PDE9A: variants seen among roughly 807,000 people sequenced by gnomAD.
PDE9A encodes high affinity cGMP-specific 3',5'-cyclic phosphodiesterase 9A.
PDE9A carries 60 observed loss-of-function variants against 87.4 expected under a neutral mutation model. The observed-to-expected ratio is 0.69, with a 90% CI of 0.56 to 0.85. The LOEUF is 0.85. Among genes scored for constraint, PDE9A ranks in the 40% least tolerant of loss-of-function variants. PDE9A has a pLI of 0.00. For missense variants in PDE9A, 665 were observed against 779.0 expected (o/e 0.85, Z 1.74); for synonymous variants, 272 against 279.4 (o/e 0.97, Z 0.27).
At chr21:42,767,907 C>A (rs1161180678) in intron 15 of PDE9A, among the ~76,000 whole-genome samples, 6 of 152,198 alleles carry the variant, frequency 3.9e-5, no homozygotes, top group Admixed American at 3.9e-4. Context: ...TAGGGAACAG[C>A]AGAAAATAGG....
rs58515760 is a variant in PDE9A, at chr21:42,727,489, A to ATTTTTTTT, written c.263-4264_263-4257dup. On this transcript the variant is annotated intron_variant, in intron 4 of 19. Transcript: ENST00000291539. The stretch of plus-strand genomic sequence containing the variant: ...CAGGCACATGCCACCACGCCTGGCT[A>ATTTTTTTT]TTTTTTTTTTTTTTTTTTTTTTTTG... Among the ~76,000 whole-genome samples, 408 of 88,308 alleles carry ATTTTTTTT rather than the reference A, an allele frequency of 4.6e-3. 15 individuals carry two copies. The highest frequency in any genetic ancestry group is 0.016 in the Middle Eastern group (2 of 126). 57.9% of individuals were successfully genotyped at this position (88,308 alleles called of 152,430 possible). A position where few individuals can be genotyped will look rare whatever the true frequency, so the allele number is the denominator to read the frequency against.
chr21:42,758,933 G>A, intron 10 of PDE9A, 66 bp from the exon 11 acceptor site: 4 of 1,265,800 alleles, frequency 3.2e-6, no homozygotes, highest in Non-Finnish European at 4.6e-6. Flanking sequence ...GCAGAGGGAA[G>A]GAAGCCAGGG....
At chr21:42,728,577 A>G (rs894863667) in intron 4 of PDE9A, among the ~76,000 whole-genome samples, 4 of 152,186 alleles carry the variant, frequency 2.6e-5, no homozygotes, top group Non-Finnish European at 4.4e-5. Context: ...ATTTTTATCT[A>G]TTACTGAATT....
intron 3 of PDE9A, chr21:42,689,714 A>T: frequency 2.0e-6 from 2 of 985,432 alleles, no homozygotes; most frequent in Non-Finnish European, 1.2e-6. Context: ...TATCAGACAC[A>T]CCAGACAAAA....
chr21:42,762,365 A>C, intron 14 of PDE9A, 126 bp downstream of exon 14: 1 of 953,956 alleles, frequency 1.0e-6, no homozygotes, highest in Non-Finnish European at 1.6e-6. Flanking sequence ...GACCCAAGGG[A>C]ACCCCTCCCT....
intron 6 of PDE9A, 68 bp downstream of exon 6, chr21:42,732,192 C>G: frequency 6.8e-7 from 1 of 1,461,966 alleles, no homozygotes; most frequent in South Asian, 1.2e-5. Flanking sequence ...CGAGGGCAGG[C>G]CCCAGGCTCT....
chr21:42,692,317 G>A lies in PDE9A; in HGVS notation c.218+4323G>A, dbSNP rs1051626323. Among the ~76,000 whole-genome samples the A allele has an allele frequency of 6.6e-5, 10 of 152,286 alleles. No homozygotes were observed. The highest frequency in any genetic ancestry group is 2.2e-4 in the African/African-American group (9 of 41,566). ...TGGATGTCACCAGGGGTAAGGGCCT[G>A]CTACTTGTATCTGATGGGTGGAGAC... On this transcript the variant is annotated intron_variant, in intron 3 of 19. Coordinates refer to ENST00000291539, the MANE Select transcript of PDE9A (RefSeq NM_002606.3). The surrounding 1 kb of genome is among the most constrained non-coding windows in gnomAD (Gnocchi z 4.3).
chr21:42,656,144 C>A (rs2057052597), intron 1 of PDE9A, among the ~76,000 whole-genome samples: 3 of 152,188 alleles, frequency 2.0e-5, no homozygotes, highest in Admixed American at 1.3e-4. Context: ...TGTCTCCCTG[C>A]CATCCGCCCC....
At chr21:42,699,578 G>A (rs1191687637) in intron 4 of PDE9A, among the ~76,000 whole-genome samples, 7 of 146,482 alleles carry the variant, frequency 4.8e-5, no homozygotes, top group South Asian at 4.3e-4. Context: ...AAAAAAAAAC[G>A]GAGTCTGGTC....
intron 3 of PDE9A, among the ~76,000 whole-genome samples, chr21:42,691,818 G>T (rs2059859172): frequency 6.8e-6 from 1 of 146,830 alleles, no homozygotes; most frequent in Non-Finnish European, 1.5e-5. Context: ...ACCATTTGAG[G>T]TCACCCAGAC....
chr21:42,653,827 T>G lies in PDE9A; in HGVS notation c.13T>G (p.Ser5Ala), dbSNP rs753688224. 1 of 1,560,700 alleles carries G rather than the reference T, an allele frequency of 6.4e-7. No homozygotes were observed. The highest frequency in any genetic ancestry group is 1.2e-5 in the South Asian group (1 of 85,410). ...CGCCGGGCGCAGGATGGGATCCGGCTCCTCCAGCTACCGGCCCAAGGCCAT... is the reference window on the plus strand; with the variant it reads ...CGCCGGGCGCAGGATGGGATCCGGCGCCTCCAGCTACCGGCCCAAGGCCAT... MGSG[S>A]SSYRPKAIYL... is the part of the protein sequence containing the mutation. The change falls in exon 1 of 20, where the codon TCC (serine) becomes GCC (alanine). Residue 5 changes from serine (S) to alanine (A), a missense_variant. By Grantham distance (99) the Ser-to-Ala change is moderately conservative. Transcript: ENST00000291539.
intron 14 of PDE9A, among the ~76,000 whole-genome samples, chr21:42,763,640 C>T (rs140380525): frequency 6.6e-6 from 1 of 152,146 alleles, no homozygotes; most frequent in Non-Finnish European, 1.5e-5. Context: ...CTTTGTGTGG[C>T]GGCCCCAGGA....
intron 4 of PDE9A, among the ~76,000 whole-genome samples, chr21:42,719,468 C>G (rs1393528728): frequency 6.6e-6 from 1 of 151,242 alleles, no homozygotes; most frequent in Non-Finnish European, 1.5e-5. Flanking sequence ...AATCCTGTCT[C>G]TTCTAAAAAA....
rs1465238378 is a variant in PDE9A, at chr21:42,739,322, T to C, written c.569-4454T>C. Among the ~76,000 whole-genome samples the C allele has an allele frequency of 6.6e-6, 1 of 152,130 alleles. No homozygotes were observed. Among genetic ancestry groups the C allele is most frequent in the East Asian group, 1.9e-4 (1 of 5,178 alleles). On this transcript the variant is annotated intron_variant, in intron 7 of 19. Coordinates refer to ENST00000291539, the MANE Select transcript of PDE9A (RefSeq NM_002606.3). This position sits in a 1 kb window ranked among gnomAD's most constrained non-coding sequence, Gnocchi z 4.1. ...CCCACAGGACTGGCCCGCTCCTCCC[T>C]CTGGATTGAGGTGGAGCAGGGCTGG...
At chr21:42,727,522 G>A (rs1268085888) in intron 4 of PDE9A, among the ~76,000 whole-genome samples, 19 of 110,832 alleles carry the variant, frequency 1.7e-4, no homozygotes, top group African/African-American at 7.1e-4. Context: ...TTGTAGAGAT[G>A]GAGATCTCTC....
intron 7 of PDE9A, chr21:42,733,676 T>C (rs757503796): frequency 3.2e-5 from 17 of 525,434 alleles, no homozygotes; most frequent in Admixed American, 6.3e-5. Flanking sequence ...AGAATAAAAA[T>C]GAACACACGA....
At chr21:42,727,489 A>ATCTTTTTT (rs2051253758) in intron 4 of PDE9A, among the ~76,000 whole-genome samples, 1 of 88,340 alleles carries the variant, frequency 1.1e-5, no homozygotes, top group Non-Finnish European at 2.0e-5. Flanking sequence ...ACGCCTGGCT[A>ATCTTTTTT]TTTTTTTTTT....
chr21:42,665,096 G>A (rs2057875369), intron 1 of PDE9A, among the ~76,000 whole-genome samples: 1 of 152,220 alleles, frequency 6.6e-6, no homozygotes. Context: ...AAATGAGAAC[G>A]GAAGACGTAG....
intron 4 of PDE9A, among the ~76,000 whole-genome samples, chr21:42,729,669 T>C (rs2051517360): frequency 6.6e-6 from 1 of 152,232 alleles, no homozygotes; most frequent in Non-Finnish European, 1.5e-5. Flanking sequence ...ATTGCTTTAG[T>C]CATGTCCCAC....
Sources: allele counts gnomAD v4.1 joint callset (sites outside exome capture counted in the v4.1 genomes callset), GRCh38; gene constraint gnomAD v4.1.1; non-coding constraint Gnocchi (gnomAD v3.1); transcripts MANE v1.5; gene names NCBI Gene and HGNC (gene_info 2026-07-23, HGNC 2026-07-21).